C12orf57: variants seen among roughly 807,000 people sequenced by gnomAD.
C12orf57 encodes the protein protein C10.
Under a neutral mutation model 11.3 loss-of-function variants are expected in C12orf57, and 14 were observed. That is an observed-to-expected ratio of 1.24 (90% CI 0.82 to 1.94). The LOEUF is 1.94. Among genes scored for constraint, C12orf57 ranks in the 30% most tolerant of loss-of-function variants. The pLI is 0.00. For missense variants in C12orf57, 229 were observed against 172.4 expected (o/e 1.33, Z -1.84); for synonymous variants, 100 against 74.6 (o/e 1.34, Z -1.76).
chr12:6,943,969 G>C, upstream of C12orf57: 1 of 1,557,112 alleles, frequency 6.4e-7, no homozygotes, highest in Non-Finnish European at 8.6e-7. Context: ...TAAGCTTGGG[G>C]TATGAAGGTT....
intron 2 of C12orf57, 63 bp downstream of exon 2, chr12:6,944,715 G>A (rs1555146121): frequency 6.3e-7 from 1 of 1,597,192 alleles, no homozygotes; most frequent in South Asian, 1.1e-5. Flanking sequence ...GGGAGAGGGC[G>A]CCGGATCTGT....
At chr12:6,943,874 C>T (rs187552855), upstream of C12orf57, 564 of 967,404 alleles carry the variant, frequency 5.8e-4, 3 homozygotes, top group South Asian at 2.2e-3. Flanking sequence ...TACCGGAAAG[C>T]CCCTCTTATG....
Position 6,944,120 on chromosome 12 carries a change from C to G in C12orf57, c.-2C>G, listed in dbSNP as rs14633. 3.1e-6 allele frequency: 5 copies of G among 1,614,114 alleles called. No individual in the cohort carries two copies. The highest frequency in any genetic ancestry group is 2.2e-5 in the South Asian group (2 of 91,090). On this transcript the variant is annotated 5_prime_UTR_variant, in exon 1 of 3. Transcript: ENST00000229281. ...CGCTGAACCTAGAGCTTCAGACGCC[C>G]TATGGCGTCCGCCTCGACCCAACCG...
At chr12:6,943,912 T>C (rs112619971), upstream of C12orf57, 56 of 1,223,008 alleles carry the variant, frequency 4.6e-5, no homozygotes, top group African/African-American at 5.4e-4. Flanking sequence ...TAGATTGTTT[T>C]CACTGTGCAA....
chr12:6,945,963 C>A lies in C12orf57; in HGVS notation c.*41C>A, dbSNP rs782658568. On this transcript the variant is annotated 3_prime_UTR_variant, in exon 3 of 3. Transcript: ENST00000229281. ...TGTGCCACTGCCAGGGGAGGAAAGG[C>A]CTTGATGTTCCAGACAATAATAAAT... 1 of 1,586,140 alleles carries A rather than the reference C, an allele frequency of 6.3e-7. No homozygotes were observed. The highest frequency in any genetic ancestry group is 8.5e-7 in the Non-Finnish European group (1 of 1,170,180).
At position 6,944,027 on chromosome 12, in the gene C12orf57, C is replaced by T. The variant is rs1162658808; in HGVS notation, c.-95C>T. On this transcript the variant is annotated 5_prime_UTR_variant, in exon 1 of 3. Coordinates refer to ENST00000229281, the MANE Select transcript of C12orf57 (RefSeq NM_138425.4). ...GGCTGCGCCGGATGCTGTTTCCTTT[C>T]CGCTCCCAGGGGCGTTGGGAACGGT... is the stretch of plus-strand genomic sequence containing the variant. 39 of 1,603,258 alleles carry T rather than the reference C, an allele frequency of 2.4e-5. No homozygotes were observed. Among genetic ancestry groups the T allele is most frequent in the Admixed American group, 6.7e-5 (4 of 59,626 alleles).
chr12:6,944,428 C>T (rs1555145956), intron 1 of C12orf57, 48 bp from the exon 2 acceptor site: 1 of 1,590,874 alleles, frequency 6.3e-7, no homozygotes. Context: ...GCTGTCTGTT[C>T]TCCGACGCCT....
At chr12:6,944,974 TG>T in intron 2 of C12orf57, 1 of 897,916 alleles carries the variant, frequency 1.1e-6, no homozygotes, top group Non-Finnish European at 1.6e-6. Flanking sequence ...AACACGAAAT[TG>T]TTTTGTTTCA....
At position 6,944,535 on chromosome 12, in the gene C12orf57, G is replaced by C; in HGVS notation, c.112G>C (p.Glu38Gln). The change falls in exon 2 of 3, where the codon GAG (glutamate) becomes CAG (glutamine). Residue 38 changes from glutamate to glutamine, a missense_variant. Glu to Gln is a conservative substitution (Grantham distance 29). Coordinates refer to ENST00000229281, the MANE Select transcript of C12orf57 (RefSeq NM_138425.4). The part of the protein sequence containing the change: ...SAPENAVRMD[E>Q]ARDNACNDMG... Reference sequence around the variant, plus strand: ...CCCGGAGAATGCAGTGCGCATGGACGAGGCTCGGGATAACGCCTGCAACGA... The same window carrying C: ...CCCGGAGAATGCAGTGCGCATGGACCAGGCTCGGGATAACGCCTGCAACGA... 1.9e-6 allele frequency: 3 copies of C among 1,614,056 alleles called. No homozygotes were observed. Among genetic ancestry groups the C allele is most frequent in the Non-Finnish European group, 2.5e-6 (3 of 1,180,040 alleles).
chr12:6,943,812 G>C (rs138143712), upstream of C12orf57: 404 of 860,182 alleles, frequency 4.7e-4, no homozygotes, highest in East Asian at 2.9e-3. Context: ...AAACACATAC[G>C]CAGCAGTGTT....
rs201491920 is a variant in C12orf57, at chr12:6,944,106, G to A, written c.-16G>A. 31 of 1,614,104 alleles carry A rather than the reference G, an allele frequency of 1.9e-5. No individual in the cohort carries two copies. Among genetic ancestry groups the A allele is most frequent in the South Asian group, 4.4e-5 (4 of 91,086 alleles). On this transcript the variant is annotated 5_prime_UTR_variant, in exon 1 of 3. Coordinates refer to ENST00000229281, the MANE Select transcript of C12orf57 (RefSeq NM_138425.4). ...TTTCCATTTACCTCCGCTGAACCTA[G>A]AGCTTCAGACGCCCTATGGCGTCCG...
upstream of C12orf57, chr12:6,943,972 T>C (rs185694976): frequency 6.9e-5 from 108 of 1,563,486 alleles, no homozygotes; most frequent in Middle Eastern, 5.8e-4. Context: ...GCTTGGGGTA[T>C]GAAGGTTTGG....
rs920378510 is a variant in C12orf57, at chr12:6,944,562, A to G, written c.139A>G (p.Met47Val). ...DEARDNACNDMGKMLQFVLPV... is the reference protein window; with the variant it reads ...DEARDNACNDVGKMLQFVLPV... ...GGCTCGGGATAACGCCTGCAACGAC[A>G]TGGGTAAGATGCTGCAATTCGTGCT... is the stretch of plus-strand genomic sequence containing the variant. The change falls in exon 2 of 3, where the codon ATG becomes GTG. Residue 47 changes from methionine (M) to valine (V), a missense_variant. Met to Val is a conservative substitution (Grantham distance 21). Transcript: ENST00000229281. 4.3e-6 allele frequency: 7 copies of G among 1,614,140 alleles called. No individual in the cohort carries two copies. The highest frequency in any genetic ancestry group is 1.7e-5 in the Admixed American group (1 of 60,030).
chr12:6,944,931 C>T, intron 2 of C12orf57: 3 of 1,266,620 alleles, frequency 2.4e-6, no homozygotes, highest in Non-Finnish European at 2.1e-6. Flanking sequence ...TTTACATATA[C>T]ATGGATATCT....
At position 6,945,884 on chromosome 12, in the gene C12orf57, C is replaced by T. The variant is rs1265704398; in HGVS notation, c.343C>T (p.His115Tyr). 36 of 1,613,380 alleles carry T rather than the reference C, an allele frequency of 2.2e-5. No individual in the cohort carries two copies. Among genetic ancestry groups the T allele is most frequent in the Non-Finnish European group, 3.0e-5 (35 of 1,179,884 alleles). The change falls in exon 3 of 3, where the codon CAT becomes TAT. Residue 115 changes from histidine (H) to tyrosine (Y), a missense_variant. Transcript: ENST00000229281. ...LFLPPMTLPPHGPAAGGSVAA... is the reference protein window; with the variant it reads ...LFLPPMTLPPYGPAAGGSVAA... ...TCTGCCGCCCATGACCCTGCCACCC[C>T]ATGGGCCTGCTGCTGGTGGCAGCGT...
At chr12:6,943,752 A>T (rs1945687691), upstream of C12orf57, 4 of 1,152,146 alleles carry the variant, frequency 3.5e-6, no homozygotes, top group South Asian at 1.5e-5. Flanking sequence ...AAAGTCACCT[A>T]AGCTCACCCT....
In C12orf57 at chr12:6,944,035, A is replaced by G. The variant is rs141260691; in HGVS notation, c.-87A>G. 226 of 1,609,138 alleles carry G rather than the reference A, an allele frequency of 1.4e-4. No individual in the cohort carries two copies. The African/African-American group carries it at 1.9e-3, about 14-fold the overall frequency. On this transcript the variant is annotated 5_prime_UTR_variant, in exon 1 of 3. Transcript: ENST00000229281. ...CGGATGCTGTTTCCTTTCCGCTCCCAGGGGCGTTGGGAACGGTTGTAGGAC... is the reference window on the plus strand; with the variant it reads ...CGGATGCTGTTTCCTTTCCGCTCCCGGGGGCGTTGGGAACGGTTGTAGGAC...
upstream of C12orf57, chr12:6,943,786 A>G: frequency 3.1e-6 from 3 of 956,400 alleles, no homozygotes; most frequent in East Asian, 4.7e-5. Context: ...GTTCCTTTAT[A>G]TCCCATCTTC....
chr12:6,944,146 G>C lies in C12orf57; in HGVS notation c.25G>C (p.Ala9Pro), dbSNP rs782192071. Residue 9 changes from alanine to proline, a missense_variant, in exon 1 of 3, where the codon GCG becomes CCG. Coordinates refer to ENST00000229281, the MANE Select transcript of C12orf57 (RefSeq NM_138425.4). Reference sequence around the variant, plus strand: ...TATGGCGTCCGCCTCGACCCAACCGGCGGCCTTGAGCGCTGAGCAAGCAAA... The same window carrying C: ...TATGGCGTCCGCCTCGACCCAACCGCCGGCCTTGAGCGCTGAGCAAGCAAA... MASASTQP[A>P]ALSAEQAKVV... 4 of 1,614,248 alleles carry C rather than the reference G, an allele frequency of 2.5e-6. No individual in the cohort carries two copies. In the East Asian group the frequency reaches 6.7e-5, roughly 27 times the overall value.
Sources: gnomAD v4.1 joint callset for allele counts on GRCh38, gnomAD v4.1.1 for gene constraint, MANE v1.5 for transcripts, NCBI Gene and HGNC (gene_info 2026-07-23, HGNC 2026-07-21) for gene names.